SNX13: variants seen among roughly 807,000 people sequenced by gnomAD.
The protein encoded by SNX13 is sorting nexin-13.
In SNX13, 45 loss-of-function variants were observed where a neutral mutation model predicts 133.6. That is an observed-to-expected ratio of 0.34 (90% CI 0.27 to 0.43). SNX13 has a LOEUF of 0.43. Among genes scored for constraint, SNX13 ranks in the 20% least tolerant of loss-of-function variants. SNX13 has a pLI of 1.00. For synonymous variants in SNX13, 414 were observed against 373.9 expected, an observed-to-expected ratio of 1.11 and a Z score of -1.24; for missense variants, 1,032 against 1,145.1, an observed-to-expected ratio of 0.90 and a Z score of 1.43.
intron 9 of SNX13, among the ~76,000 whole-genome samples, chr7:17,854,829 C>T (rs1791689948): frequency 6.6e-6 from 1 of 152,132 alleles, no homozygotes; most frequent in East Asian, 1.9e-4. Flanking sequence ...CTACAATGAA[C>T]TCTTAAGCGT....
At chr7:17,901,379 G>A (rs572764012) in intron 1 of SNX13, among the ~76,000 whole-genome samples, 2 of 152,036 alleles carry the variant, frequency 1.3e-5, no homozygotes, top group Admixed American at 6.6e-5. Context: ...ACCAGGACTC[G>A]CCCAGGAATT....
intron 18 of SNX13, among the ~76,000 whole-genome samples, chr7:17,820,861 A>T (rs901325846): frequency 1.3e-5 from 2 of 152,142 alleles, no homozygotes; most frequent in African/African-American, 4.8e-5. Context: ...ATTTATTCCA[A>T]TTCATCAAAG....
chr7:17,861,793 A>G (rs1476546525), intron 9 of SNX13, among the ~76,000 whole-genome samples: 1 of 152,226 alleles, frequency 6.6e-6, no homozygotes, highest in Non-Finnish European at 1.5e-5. Context: ...ACCAGTACAT[A>G]AAATCGTAGG....
chr7:17,808,320 A>G (rs1271276161), intron 20 of SNX13, among the ~76,000 whole-genome samples: 1 of 152,218 alleles, frequency 6.6e-6, no homozygotes, highest in East Asian at 1.9e-4. Context: ...ACAACTCTCA[A>G]TAGCTGAATC....
intron 1 of SNX13, chr7:17,897,722 T>C (rs1013372229): frequency 6.4e-5 from 13 of 203,858 alleles, no homozygotes; most frequent in Non-Finnish European, 1.1e-4. Context: ...GAAATAGTTA[T>C]ACAAACTGTT....
At chr7:17,805,250 T>TGCGCGCGCGC (rs1554304275) in intron 20 of SNX13, among the ~76,000 whole-genome samples, 323 of 95,556 alleles carry the variant, frequency 3.4e-3, no homozygotes, top group Non-Finnish European at 5.8e-3. Context: ...TGTGTGTGTG[T>TGCGCGCGCGC]GCGTGCGCGC....
chr7:17,937,065 T>C (rs1802159269), intron 1 of SNX13, among the ~76,000 whole-genome samples: 1 of 144,870 alleles, frequency 6.9e-6, no homozygotes, highest in South Asian at 2.2e-4. Flanking sequence ...CTCATCCCTG[T>C]ATGTAAAATG....
At position 17,893,324 on chromosome 7, in the gene SNX13, C is replaced by G. The variant is rs901293379; in HGVS notation, c.228+8G>C. Reference sequence around the variant, plus strand: ...CTTTGAGGTTTTATATTCCCTCAAACGATTTACCTTAGGAACCCCAGGTGA... The same window carrying G: ...CTTTGAGGTTTTATATTCCCTCAAAGGATTTACCTTAGGAACCCCAGGTGA... On this transcript the variant is annotated splice_region_variant and intron_variant, in intron 3 of 25. Coordinates refer to ENST00000428135, the MANE Select transcript of SNX13 (RefSeq NM_015132.5). The G allele has an allele frequency of 1.4e-5, 21 of 1,545,806 alleles. No homozygotes were observed. Among genetic ancestry groups the G allele is most frequent in the Non-Finnish European group, 1.7e-5 (19 of 1,136,842 alleles).
At chr7:17,888,435 G>C (rs1041983580) in intron 5 of SNX13, 2 of 207,508 alleles carry the variant, frequency 9.6e-6, no homozygotes, top group African/African-American at 4.7e-5. Flanking sequence ...TAACAGGAAA[G>C]AAGAGCAGGA....
rs887835349 is a variant in SNX13 at position 17,897,521 on chromosome 7, T to G, written c.13-75A>C. ...AATTAGAAAAGAACCAACAAAACTT[T>G]TACATAGTTTTAAATTTCTTCTTGT... is the stretch of plus-strand genomic sequence containing the variant. On this transcript the variant is annotated intron_variant, in intron 1 of 25. Coordinates refer to ENST00000428135, the MANE Select transcript of SNX13 (RefSeq NM_015132.5). 4 of 786,984 alleles carry G rather than the reference T, an allele frequency of 5.1e-6. No homozygotes were observed. The African/African-American group carries it at 7.1e-5, about 14-fold the overall frequency. 48.8% of individuals were successfully genotyped at this position (786,984 alleles called of 1,614,324 possible).
chr7:17,873,917 T>C (rs1054886281), intron 7 of SNX13, among the ~76,000 whole-genome samples: 2 of 152,228 alleles, frequency 1.3e-5, no homozygotes, highest in African/African-American at 4.8e-5. Context: ...CCAGGTACTC[T>C]GTAATTCTAC....
intron 1 of SNX13, among the ~76,000 whole-genome samples, chr7:17,918,904 G>A (rs1311135059): frequency 6.6e-6 from 1 of 152,072 alleles, no homozygotes; most frequent in Non-Finnish European, 1.5e-5. Context: ...CATATACTAC[G>A]CAGCCACAAA....
Position 17,791,338 on chromosome 7 carries a change from C to G in SNX13, c.*2707G>C, listed in dbSNP as rs1299295276. On this transcript the variant is annotated 3_prime_UTR_variant, in exon 26 of 26. Coordinates refer to ENST00000428135, the MANE Select transcript of SNX13 (RefSeq NM_015132.5). ...TTTTTCTTCCCAAATACCAGCAGCACAAACTTAAAATGAACAAACTGAAAT... is the reference window on the plus strand; with the variant it reads ...TTTTTCTTCCCAAATACCAGCAGCAGAAACTTAAAATGAACAAACTGAAAT... 6.6e-6 allele frequency: 1 copy of G among 150,472 alleles called. No homozygotes were observed. Among genetic ancestry groups the G allele is most frequent in the Non-Finnish European group, 1.5e-5 (1 of 67,622 alleles). The allele number at this position is 150,472 out of a possible 1,614,324, so 9.3% of individuals were successfully genotyped here.
At chr7:17,902,241 GGTTT>G (rs1797914110) in intron 1 of SNX13, among the ~76,000 whole-genome samples, 1 of 81,518 alleles carries the variant, frequency 1.2e-5, no homozygotes, top group Non-Finnish European at 2.3e-5. Context: ...TTACTGTCAT[GGTTT>G]TTTTTTTTTT....
intron 17 of SNX13, among the ~76,000 whole-genome samples, chr7:17,823,968 C>T (rs911651026): frequency 2.6e-5 from 4 of 151,360 alleles, no homozygotes; most frequent in Admixed American, 2.0e-4. Flanking sequence ...GGAAGATCAC[C>T]CAGGGTGGAT....
chr7:17,916,367 C>A (rs1799565621), intron 1 of SNX13, among the ~76,000 whole-genome samples: 1 of 152,032 alleles, frequency 6.6e-6, no homozygotes, highest in Admixed American at 6.6e-5. Flanking sequence ...TCAACAAAAT[C>A]AAAAGTTGGT....
At chr7:17,821,778 A>C (rs1380894466) in intron 17 of SNX13, 130 bp from the exon 18 acceptor site, 3 of 1,056,114 alleles carry the variant, frequency 2.8e-6, no homozygotes. Flanking sequence ...GAAGAATCTG[A>C]AATGACAGAC....
intron 23 of SNX13, 21 bp downstream of exon 23, chr7:17,798,988 G>T: frequency 6.2e-7 from 1 of 1,600,480 alleles, no homozygotes; most frequent in South Asian, 1.1e-5. Context: ...CAGATTAAAA[G>T]CGAGGAGGAA....
chr7:17,864,834 AGG>A (rs1793179894), intron 9 of SNX13, among the ~76,000 whole-genome samples: 1 of 151,740 alleles, frequency 6.6e-6, no homozygotes. Flanking sequence ...GAGGAAGAGG[AGG>A]AGGAGGAGGA....
Sources: gnomAD v4.1 joint callset for allele counts (sites outside exome capture counted in the v4.1 genomes callset) on GRCh38, gnomAD v4.1.1 for gene constraint, MANE v1.5 for transcripts, NCBI Gene and HGNC (gene_info 2026-07-23, HGNC 2026-07-21) for gene names.